Variants in MITF observed in about 807,000 individuals in gnomAD.
MITF encodes the protein melanocyte inducing transcription factor.
A neutral mutation model predicts 60.5 loss-of-function variants in MITF; 17 were observed. That is an observed-to-expected ratio of 0.28 (90% CI 0.19 to 0.42). The LOEUF is 0.42. MITF is among the 10% of genes least tolerant of loss of function. MITF has a pLI of 1.00. For synonymous variants in MITF, 260 were observed against 248.5 expected (o/e 1.05, Z -0.43); for missense variants, 622 against 683.5 (o/e 0.91, Z 1.00).
rs538640363 is a variant in MITF at position 69,857,550 on chromosome 3, T to C, written c.105-21584T>C. 2.6e-5 allele frequency among the ~76,000 whole-genome samples: 4 copies of C among 152,152 alleles called. No homozygotes were observed. The South Asian group carries it at 8.3e-4, about 32-fold the overall frequency. On this transcript the variant is annotated intron_variant, in intron 1 of 9. Transcript: ENST00000352241. Reference sequence around the variant, plus strand: ...TTTTTTTTTTTCAAATTTTCATGTTTCTTTCCCAACACGCTAATAAATGAA... The same window carrying C: ...TTTTTTTTTTTCAAATTTTCATGTTCCTTTCCCAACACGCTAATAAATGAA...
At chr3:69,775,989 G>A (rs1031247843) in intron 1 of MITF, among the ~76,000 whole-genome samples, 13 of 152,224 alleles carry the variant, frequency 8.5e-5, no homozygotes, top group Non-Finnish European at 1.9e-4. Context: ...TTGGCTCCCA[G>A]AAGATTAGCT....
At chr3:69,843,995 T>G (rs2063686099) in intron 1 of MITF, among the ~76,000 whole-genome samples, 1 of 152,202 alleles carries the variant, frequency 6.6e-6, no homozygotes. Context: ...CATGTGGTGT[T>G]TGGTTTTCCT....
chr3:69,829,219 T>C (rs936930795), intron 1 of MITF, among the ~76,000 whole-genome samples: 1 of 152,208 alleles, frequency 6.6e-6, no homozygotes, highest in Non-Finnish European at 1.5e-5. Context: ...AGTATCAGCC[T>C]GTGATGGATT....
intron 2 of MITF, among the ~76,000 whole-genome samples, chr3:69,899,407 T>G (rs2064948052): frequency 6.6e-6 from 1 of 152,200 alleles, no homozygotes. Context: ...ATTGTCTTTA[T>G]TTTAAGAGCA....
At chr3:69,901,286 C>T (rs1350623894) in intron 2 of MITF, among the ~76,000 whole-genome samples, 1 of 151,110 alleles carries the variant, frequency 6.6e-6, no homozygotes, top group East Asian at 1.9e-4. Flanking sequence ...TTGTATTTAG[C>T]TTCATTTAGA....
At chr3:69,787,602 G>A (rs145916092) in intron 1 of MITF, among the ~76,000 whole-genome samples, 138 of 152,278 alleles carry the variant, frequency 9.1e-4, no homozygotes, top group African/African-American at 3.0e-3. Context: ...GTATCTGGCC[G>A]TGGTTTTCTA....
intron 1 of MITF, among the ~76,000 whole-genome samples, chr3:69,806,960 CT>C (rs1233255078): frequency 1.3e-5 from 2 of 152,144 alleles, no homozygotes; most frequent in African/African-American, 4.8e-5. Context: ...GCACAGCTTC[CT>C]TTTGAAGATG....
intron 1 of MITF, among the ~76,000 whole-genome samples, chr3:69,742,920 G>A (rs1466172357): frequency 1.3e-5 from 2 of 151,814 alleles, no homozygotes; most frequent in Admixed American, 6.6e-5. Context: ...TTTCCCATAG[G>A]GCTTATATTA....
At chr3:69,759,418 G>T (rs923395038) in intron 1 of MITF, among the ~76,000 whole-genome samples, 1 of 152,204 alleles carries the variant, frequency 6.6e-6, no homozygotes, top group Non-Finnish European at 1.5e-5. Flanking sequence ...ACAATATGAT[G>T]TGAGAGCTGA....
chr3:69,791,234 G>C (rs761535605), intron 1 of MITF, among the ~76,000 whole-genome samples: 4 of 152,210 alleles, frequency 2.6e-5, no homozygotes, highest in Non-Finnish European at 5.9e-5. Flanking sequence ...ATTGGCGCCA[G>C]CACTTGCAGT....
chr3:69,793,984 C>T (rs896169632), intron 1 of MITF, among the ~76,000 whole-genome samples: 8 of 152,182 alleles, frequency 5.3e-5, no homozygotes, highest in African/African-American at 1.7e-4. Context: ...TCATTTTCTT[C>T]GACTGGGATT....
At chr3:69,851,230 T>C (rs929770842) in intron 1 of MITF, among the ~76,000 whole-genome samples, 5 of 152,216 alleles carry the variant, frequency 3.3e-5, no homozygotes, top group Admixed American at 1.3e-4. Context: ...TGGATTTTAT[T>C]GACATAGGAA....
intron 2 of MITF, among the ~76,000 whole-genome samples, chr3:69,902,859 T>A (rs1337762443): frequency 1.3e-5 from 2 of 151,928 alleles, no homozygotes; most frequent in Admixed American, 6.6e-5. Flanking sequence ...CCTTTTTTTT[T>A]AAGGTAAAAT....
Position 69,879,231 on chromosome 3 carries a change from A to C in MITF, c.202A>C (p.Met68Leu). 2.5e-6 allele frequency: 4 copies of C among 1,614,214 alleles called. No individual in the cohort carries two copies. Among genetic ancestry groups the C allele is most frequent in the Non-Finnish European group, 3.4e-6 (4 of 1,180,040 alleles). ...LLRQQLMREQ[M>L]QEQERREQQQ... ...ACGCCAGCAACTCATGCGTGAGCAG[A>C]TGCAGGAGCAGGAGCGCAGGGAGCA... Residue 68 changes from methionine to leucine, a missense_variant, in exon 2 of 10, where the codon ATG becomes CTG. This residue lies in a region of MITF where 149 missense variants were observed against 157.8 expected (regional missense o/e 0.94). Coordinates refer to ENST00000352241, the MANE Select transcript of MITF (RefSeq NM_001354604.2).
At position 69,948,002 on chromosome 3, in the gene MITF, C is replaced by T. The variant is rs138982584; in HGVS notation, c.763-1049C>T. On this transcript the variant is annotated intron_variant, in intron 5 of 9. Transcript: ENST00000352241. ...TCTCAGTCACTAAACACTTTAATCA[C>T]ACCTAAATGCTTTCTGAATGTACTT... Among the ~76,000 whole-genome samples the T allele has an allele frequency of 5.3e-5, 8 of 152,290 alleles. No homozygotes were observed. In the East Asian group the frequency reaches 1.4e-3, roughly 26 times the overall value.
chr3:69,938,473 AT>A, intron 3 of MITF: 1 of 1,470,250 alleles, frequency 6.8e-7, no homozygotes, highest in Non-Finnish European at 9.0e-7. Flanking sequence ...CTGGAATATT[AT>A]TTTTATTTCT....
chr3:69,772,549 G>T (rs1243670439), intron 1 of MITF, among the ~76,000 whole-genome samples: 1 of 152,162 alleles, frequency 6.6e-6, no homozygotes, highest in Non-Finnish European at 1.5e-5. Flanking sequence ...TTATTTACTT[G>T]CTAGTTCACT....
At chr3:69,811,403 C>T (rs558359275) in intron 1 of MITF, among the ~76,000 whole-genome samples, 6 of 152,268 alleles carry the variant, frequency 3.9e-5, no homozygotes, top group African/African-American at 1.4e-4. Context: ...GCATGACTGC[C>T]ACAGTGCATC....
Position 69,936,603 on chromosome 3 carries a change from G to A in MITF, c.355-1219G>A, listed in dbSNP as rs995608975. ...GTGATAAAGTTTCCGGTGGTGTCTCGGGATACCTTGTTTATAGTACCTTCT... is the reference window on the plus strand; with the variant it reads ...GTGATAAAGTTTCCGGTGGTGTCTCAGGATACCTTGTTTATAGTACCTTCT... On this transcript the variant is annotated intron_variant, in intron 2 of 9. Coordinates refer to ENST00000352241, the MANE Select transcript of MITF (RefSeq NM_001354604.2). 15 of 1,547,994 alleles carry A rather than the reference G, an allele frequency of 9.7e-6. No individual in the cohort carries two copies. The highest frequency in any genetic ancestry group is 8.5e-5 in the South Asian group (7 of 82,668).
Sources: allele counts gnomAD v4.1 joint callset (sites outside exome capture counted in the v4.1 genomes callset), GRCh38; gene constraint gnomAD v4.1.1; regional missense constraint gnomAD v4.1.1; transcripts MANE v1.5; gene names NCBI Gene and HGNC (gene_info 2026-07-23, HGNC 2026-07-21).